The following ZNF385B variants were observed in gnomAD, a reference collection of about 807,000 sequenced individuals.
ZNF385B encodes zinc finger protein 385B.
ZNF385B carries 23 observed loss-of-function variants against 39.2 expected under a neutral mutation model. The ratio of observed to expected loss-of-function variants is 0.59; its 90% CI spans 0.42 to 0.83. ZNF385B has a LOEUF of 0.83. Ranked by LOEUF, ZNF385B falls within the 40% of genes least tolerant of loss-of-function variation. The pLI is 0.00. For synonymous variants in ZNF385B, 205 were observed against 222.6 expected, an observed-to-expected ratio of 0.92 and a Z score of 0.70; for missense variants, 552 against 598.9, an observed-to-expected ratio of 0.92 and a Z score of 0.82.
intron 3 of ZNF385B, among the ~76,000 whole-genome samples, chr2:179,684,594 TGAGG>T (rs762557379): frequency 4.6e-5 from 7 of 152,236 alleles, no homozygotes; most frequent in South Asian, 2.1e-4. Flanking sequence ...TATTTATGAA[TGAGG>T]AAGGAAGAAA....
intron 6 of ZNF385B, among the ~76,000 whole-genome samples, chr2:179,478,301 C>T (rs1319470229): frequency 1.3e-5 from 2 of 152,156 alleles, no homozygotes; most frequent in Admixed American, 1.3e-4. Context: ...CGACAAATGT[C>T]CTTCTGTTCA....
At chr2:179,813,530 C>T (rs1302231774) in intron 1 of ZNF385B, among the ~76,000 whole-genome samples, 1 of 152,054 alleles carries the variant, frequency 6.6e-6, no homozygotes, top group Admixed American at 6.6e-5. Flanking sequence ...AAAACGTCTT[C>T]AGGGAAGGTG....
intron 3 of ZNF385B, among the ~76,000 whole-genome samples, chr2:179,616,249 T>C (rs1191958085): frequency 2.6e-5 from 4 of 152,200 alleles, no homozygotes; most frequent in Admixed American, 2.6e-4. Context: ...TGGCACACAA[T>C]GAGAACTCAA....
At chr2:179,463,351 TC>T (rs148398710) in intron 6 of ZNF385B, among the ~76,000 whole-genome samples, 41,371 of 109,552 alleles carry the variant, frequency 0.38, 5,998 homozygotes, top group East Asian at 0.59. Flanking sequence ...CCTCTCTATT[TC>T]TTTTTTTTAT....
At chr2:179,524,346 A>T (rs533092372) in intron 4 of ZNF385B, among the ~76,000 whole-genome samples, 3 of 151,938 alleles carry the variant, frequency 2.0e-5, no homozygotes, top group African/African-American at 4.8e-5. Flanking sequence ...AGGTCAGGAG[A>T]TAGCGACAAT....
intron 3 of ZNF385B, among the ~76,000 whole-genome samples, chr2:179,638,422 T>C (rs1352791548): frequency 6.6e-6 from 1 of 152,180 alleles, no homozygotes; most frequent in African/African-American, 2.4e-5. Context: ...TTGGTAGCAG[T>C]CCCGGTGTAG....
At chr2:179,592,529 C>CT (rs1387490588) in intron 3 of ZNF385B, among the ~76,000 whole-genome samples, 4 of 151,966 alleles carry the variant, frequency 2.6e-5, no homozygotes, top group African/African-American at 9.7e-5. Flanking sequence ...ACAGCAGGAA[C>CT]TCACAGCAAA....
intron 5 of ZNF385B, among the ~76,000 whole-genome samples, chr2:179,498,994 C>A (rs899367480): frequency 1.3e-5 from 2 of 151,816 alleles, no homozygotes; most frequent in Non-Finnish European, 2.9e-5. Flanking sequence ...GACATTACAA[C>A]TGATTCTGCA....
At chr2:179,487,440 T>C (rs1022003160) in intron 5 of ZNF385B, among the ~76,000 whole-genome samples, 2 of 152,238 alleles carry the variant, frequency 1.3e-5, no homozygotes, top group Non-Finnish European at 2.9e-5. Flanking sequence ...GTACTGTGTC[T>C]GAGGCAGTGT....
chr2:179,452,822 A>G (rs2050291865), intron 6 of ZNF385B, among the ~76,000 whole-genome samples: 1 of 152,152 alleles, frequency 6.6e-6, no homozygotes, highest in Admixed American at 6.6e-5. Context: ...GCCCCAGAAG[A>G]CACGTTAAGC....
At chr2:179,852,329 T>C (rs540901524) in intron 1 of ZNF385B, among the ~76,000 whole-genome samples, 2 of 152,300 alleles carry the variant, frequency 1.3e-5, no homozygotes, top group African/African-American at 2.4e-5. Context: ...TCAATAGCCA[T>C]AGTGGTCTCA....
At chr2:179,843,364 C>T (rs921093215) in intron 1 of ZNF385B, among the ~76,000 whole-genome samples, 18 of 152,156 alleles carry the variant, frequency 1.2e-4, no homozygotes, top group African/African-American at 4.3e-4. Flanking sequence ...CTCAGTGAAT[C>T]GGAACTTCTT....
At chr2:179,551,498 C>T (rs895964555) in intron 3 of ZNF385B, among the ~76,000 whole-genome samples, 1 of 133,710 alleles carries the variant, frequency 7.5e-6, no homozygotes, top group African/African-American at 3.2e-5. Flanking sequence ...CTAGGTTTCA[C>T]CTAAGATCTC....
intron 1 of ZNF385B, among the ~76,000 whole-genome samples, chr2:179,850,663 T>C (rs1313806189): frequency 6.6e-6 from 1 of 152,152 alleles, no homozygotes; most frequent in Non-Finnish European, 1.5e-5. Flanking sequence ...CAGGGAGGTG[T>C]GGGAGATTCA....
chr2:179,696,326 C>CATTTTTTTTTTTTT (rs1698741710), intron 3 of ZNF385B, among the ~76,000 whole-genome samples: 1 of 40,354 alleles, frequency 2.5e-5, no homozygotes, highest in African/African-American at 1.0e-4. Context: ...CAAACTGGGA[C>CATTTTTTTTTTTTT]TTTTTTTTTT....
chr2:179,789,611 A>G (rs1705207365), intron 1 of ZNF385B, among the ~76,000 whole-genome samples: 1 of 152,194 alleles, frequency 6.6e-6, no homozygotes. Flanking sequence ...TTATACAACC[A>G]AGAAAAATTG....
intron 4 of ZNF385B, chr2:179,534,918 C>T (rs1244711915): frequency 6.6e-6 from 1 of 152,116 alleles, no homozygotes; most frequent in East Asian, 1.9e-4. Context: ...CTAGTTCCTT[C>T]AAAAGGTAAG....
chr2:179,470,814 G>A (rs536688985), intron 6 of ZNF385B, among the ~76,000 whole-genome samples: 2 of 149,526 alleles, frequency 1.3e-5, no homozygotes, highest in South Asian at 4.3e-4. Flanking sequence ...TAAGCCTGCT[G>A]TTCAAGCCAG....
chr2:179,648,801 A>G (rs1692966732), intron 3 of ZNF385B, among the ~76,000 whole-genome samples: 1 of 152,216 alleles, frequency 6.6e-6, no homozygotes, highest in Non-Finnish European at 1.5e-5. Context: ...ACATCAAAAT[A>G]ATTGATGATA....
Sources: gnomAD v4.1 joint callset for allele counts (sites outside exome capture counted in the v4.1 genomes callset) on GRCh38, gnomAD v4.1.1 for gene constraint, MANE v1.5 for transcripts, NCBI Gene and HGNC (gene_info 2026-07-23, HGNC 2026-07-21) for gene names.